VPS13A: variants seen among roughly 807,000 people sequenced by gnomAD.
The protein encoded by VPS13A is vacuolar protein sorting 13 homolog A.
VPS13A carries 264 observed loss-of-function variants against 390.9 expected under a neutral mutation model. The ratio of observed to expected loss-of-function variants is 0.68; its 90% CI spans 0.61 to 0.75. The LOEUF (loss-of-function observed/expected upper bound fraction) is 0.75, where lower values mean the gene tolerates loss of function less well. VPS13A is among the 30% of genes least tolerant of loss of function. The pLI, the probability that VPS13A is intolerant of heterozygous loss-of-function variation, is 0.00. For missense variants in VPS13A, 3,409 were observed against 3,733.9 expected, an observed-to-expected ratio of 0.91 and a Z score of 2.27; for synonymous variants, 1,231 against 1,227.1, an observed-to-expected ratio of 1.00 and a Z score of -0.07.
At chr9:77,342,987 T>C (rs1208410348) in intron 50 of VPS13A, among the ~76,000 whole-genome samples, 4 of 152,174 alleles carry the variant, frequency 2.6e-5, no homozygotes, top group Non-Finnish European at 5.9e-5. Context: ...AATGGAAATA[T>C]GCTGAGCACT....
At chr9:77,404,098 G>A (rs1325009945) in intron 69 of VPS13A, among the ~76,000 whole-genome samples, 3 of 152,044 alleles carry the variant, frequency 2.0e-5, no homozygotes, top group African/African-American at 7.2e-5. Flanking sequence ...TATTTAAAAA[G>A]TAACACCAAG....
intron 53 of VPS13A, among the ~76,000 whole-genome samples, chr9:77,352,782 T>G (rs557032860): frequency 2.5e-4 from 38 of 152,238 alleles, no homozygotes; most frequent in South Asian, 1.4e-3. Context: ...AATTTCTGTA[T>G]ATTGCAACGT....
At chr9:77,402,697 A>AGATT (rs1834441554) in intron 68 of VPS13A, among the ~76,000 whole-genome samples, 1 of 152,190 alleles carries the variant, frequency 6.6e-6, no homozygotes, top group African/African-American at 2.4e-5. Flanking sequence ...TTGAAAATAA[A>AGATT]GATTGATTCA....
intron 15 of VPS13A, 75 bp from the exon 16 acceptor site, chr9:77,227,316 T>TAAAAC: frequency 9.5e-7 from 1 of 1,057,594 alleles, no homozygotes; most frequent in Admixed American, 1.9e-5. Context: ...ACATTCTGTT[T>TAAAAC]ATTAAAGGCA....
chr9:77,308,143 CTT>C (rs756739783), intron 35 of VPS13A, 45 bp downstream of exon 35: 5 of 1,596,042 alleles, frequency 3.1e-6, no homozygotes, highest in Non-Finnish European at 4.3e-6. Flanking sequence ...CTCTTTCTCT[CTT>C]TTTTCTTCTA....
At chr9:77,315,110 CT>C in intron 37 of VPS13A, 142 bp from the exon 38 acceptor site, 1 of 719,886 alleles carries the variant, frequency 1.4e-6, no homozygotes, top group Non-Finnish European at 2.3e-6. Flanking sequence ...ATTTGGAACA[CT>C]TTATGGATCT....
At chr9:77,383,084 G>T in intron 68 of VPS13A, 1 of 939,178 alleles carries the variant, frequency 1.1e-6, no homozygotes, top group Non-Finnish European at 1.3e-6. Flanking sequence ...CTTCCTTTAT[G>T]GCTTTAATAT....
chr9:77,387,241 G>A (rs1226741275), intron 68 of VPS13A, among the ~76,000 whole-genome samples: 1 of 151,972 alleles, frequency 6.6e-6, no homozygotes, highest in African/African-American at 2.4e-5. Context: ...CAAATATATA[G>A]AAAATGAATT....
In VPS13A at chr9:77,370,871, A is replaced by C. The variant is rs1162158718; in HGVS notation, c.8908-19A>C. ...TCATAAAAAAGTATTGTAAATTTTC[A>C]GTTGTGTTTTCCTTCTAGGGATTTG... On this transcript the variant is annotated intron_variant, in intron 65 of 71. Coordinates refer to ENST00000360280, the MANE Select transcript of VPS13A (RefSeq NM_033305.3). 1 of 1,612,256 alleles carries C rather than the reference A, an allele frequency of 6.2e-7. No homozygotes were observed. The highest frequency in any genetic ancestry group is 1.3e-5 in the African/African-American group (1 of 74,870).
intron 33 of VPS13A, among the ~76,000 whole-genome samples, chr9:77,296,950 A>G (rs1010370384): frequency 6.6e-6 from 1 of 152,104 alleles, no homozygotes; most frequent in Non-Finnish European, 1.5e-5. Flanking sequence ...GATTTTCATA[A>G]TGCTCCTTAT....
intron 45 of VPS13A, among the ~76,000 whole-genome samples, chr9:77,328,353 A>C (rs751033701): frequency 3.5e-4 from 53 of 152,222 alleles, no homozygotes; most frequent in South Asian, 6.2e-4. Flanking sequence ...CACAGAGTAG[A>C]GTTAGCATAT....
chr9:77,405,565 G>C (rs1277160729), intron 69 of VPS13A, among the ~76,000 whole-genome samples: 1 of 152,008 alleles, frequency 6.6e-6, no homozygotes, highest in Admixed American at 6.6e-5. Context: ...TTCTTATTCT[G>C]TTCAAAATAT....
intron 45 of VPS13A, among the ~76,000 whole-genome samples, chr9:77,324,567 C>G (rs1362238807): frequency 6.6e-6 from 1 of 152,124 alleles, no homozygotes; most frequent in East Asian, 1.9e-4. Flanking sequence ...TTAGATCAAC[C>G]TTGCATTCCT....
chr9:77,326,798 CA>C (rs1403161335), intron 45 of VPS13A, among the ~76,000 whole-genome samples: 2 of 152,062 alleles, frequency 1.3e-5, no homozygotes, highest in African/African-American at 4.8e-5. Context: ...CTGTATATAT[CA>C]GAACCAGACT....
At chr9:77,330,460 A>G (rs1417110926) in intron 45 of VPS13A, among the ~76,000 whole-genome samples, 1 of 152,082 alleles carries the variant, frequency 6.6e-6, no homozygotes, top group Non-Finnish European at 1.5e-5. Context: ...CTTTTTCCGC[A>G]CTAAATTTGA....
intron 3 of VPS13A, among the ~76,000 whole-genome samples, chr9:77,203,249 T>C (rs1825435377): frequency 6.6e-6 from 1 of 152,194 alleles, no homozygotes; most frequent in Non-Finnish European, 1.5e-5. Flanking sequence ...AATTTTCTAC[T>C]AGGAGTCTAC....
chr9:77,389,308 CTTTTT>C (rs57239835), intron 68 of VPS13A, among the ~76,000 whole-genome samples: 7 of 137,716 alleles, frequency 5.1e-5, no homozygotes, highest in African/African-American at 1.9e-4. Flanking sequence ...AAGCAGAACT[CTTTTT>C]TTTTTTTTTT....
chr9:77,190,812 T>C (rs1824634414), intron 1 of VPS13A, among the ~76,000 whole-genome samples: 2 of 152,210 alleles, frequency 1.3e-5, no homozygotes, highest in African/African-American at 4.8e-5. Flanking sequence ...AGGTTGTATG[T>C]TTCCAGGAAT....
chr9:77,401,332 TG>T (rs1834385741), intron 68 of VPS13A, among the ~76,000 whole-genome samples: 3 of 24,312 alleles, frequency 1.2e-4, no homozygotes, highest in Non-Finnish European at 1.5e-4. Context: ...CATGAAGTTG[TG>T]TGTGTGTGTG....
Sources: gnomAD v4.1 joint callset for allele counts (sites outside exome capture counted in the v4.1 genomes callset) on GRCh38, gnomAD v4.1.1 for gene constraint, MANE v1.5 for transcripts, NCBI Gene and HGNC (gene_info 2026-07-23, HGNC 2026-07-21) for gene names.